The following MIA2 variants were observed in gnomAD, a reference collection of about 807,000 sequenced individuals.
MIA2 encodes the protein MIA SH3 domain ER export factor 2, also known as melanoma inhibitory activity protein 2.
A neutral mutation model predicts 167.8 loss-of-function variants in MIA2; 127 were observed. The ratio of observed to expected loss-of-function variants is 0.76; its 90% CI spans 0.66 to 0.88. The LOEUF is 0.88. MIA2 is among the 40% of genes least tolerant of loss of function. The pLI is 0.00. For synonymous variants in MIA2, 552 were observed against 541.9 expected (o/e 1.02, Z -0.26); for missense variants, 1,690 against 1,624.7 (o/e 1.04, Z -0.69).
intron 23 of MIA2, among the ~76,000 whole-genome samples, chr14:39,360,492 G>GT (rs2074657532): frequency 7.5e-6 from 1 of 133,094 alleles, no homozygotes; most frequent in Non-Finnish European, 1.6e-5. Flanking sequence ...TGTTGTTGTT[G>GT]TCTTTTGTTC....
chr14:39,282,110 A>C (rs2059035633), intron 9 of MIA2, among the ~76,000 whole-genome samples: 1 of 152,112 alleles, frequency 6.6e-6, no homozygotes, highest in African/African-American at 2.4e-5. Flanking sequence ...TTTTATATGA[A>C]GTGTCAGTGA....
In MIA2 at chr14:39,302,400, A is replaced by G. The variant is rs558924132; in HGVS notation, c.2740+151A>G. The G allele has an allele frequency of 7.9e-6, 7 of 891,366 alleles. No homozygotes were observed. In the East Asian group the frequency reaches 1.8e-4, roughly 23 times the overall value. The allele number at this position is 891,366 out of a possible 1,614,324, so 55.2% of individuals were successfully genotyped here. A position where few individuals can be genotyped will look rare whatever the true frequency, so the allele number is the denominator to read the frequency against. On this transcript the variant is annotated intron_variant, in intron 15 of 28. Coordinates refer to ENST00000640607, the MANE Select transcript of MIA2 (RefSeq NM_001329214.4). ...ACACTGTCCTTTCTCACCATCCCTT[A>G]TAGTTTTTAGCTTCAGCTGGAGCAC...
chr14:39,234,935 C>T (rs2053662469), intron 1 of MIA2, among the ~76,000 whole-genome samples: 1 of 151,732 alleles, frequency 6.6e-6, no homozygotes. Context: ...ATTAGAGTTG[C>T]TTTAAATAAG....
At chr14:39,353,837 A>G (rs2074455266), downstream of MIA2, among the ~76,000 whole-genome samples, 1 of 152,148 alleles carries the variant, frequency 6.6e-6, no homozygotes, top group African/African-American at 2.4e-5. Flanking sequence ...TCCTTGCGAT[A>G]GTTTGCTGAG....
chr14:39,330,694 T>C (rs760697695), intron 25 of MIA2, among the ~76,000 whole-genome samples: 4 of 152,208 alleles, frequency 2.6e-5, no homozygotes, highest in East Asian at 1.9e-4. Context: ...AAATAACTTA[T>C]TTATTTCTGC....
chr14:39,377,787 G>C (rs1049349564), intron 23 of MIA2, among the ~76,000 whole-genome samples: 3 of 150,886 alleles, frequency 2.0e-5, no homozygotes, highest in African/African-American at 4.9e-5. Flanking sequence ...TGGCTTTGCT[G>C]GAAACTTTTT....
chr14:39,299,766 C>T (rs2062096774), intron 13 of MIA2, 98 bp from the exon 14 acceptor site: 1 of 1,276,112 alleles, frequency 7.8e-7, no homozygotes. Context: ...AAATAGGAGC[C>T]ATGTTTTTCT....
chr14:39,381,456 A>G (rs1429127216), intron 23 of MIA2, among the ~76,000 whole-genome samples: 1 of 152,220 alleles, frequency 6.6e-6, no homozygotes, highest in Non-Finnish European at 1.5e-5. Context: ...AATTGCTTAT[A>G]TTTAAAAAGT....
intron 9 of MIA2, among the ~76,000 whole-genome samples, chr14:39,288,475 A>ATTTTTTTTTTT (rs1247369150): frequency 1.8e-4 from 9 of 50,514 alleles, no homozygotes; most frequent in East Asian, 1.5e-3. Context: ...ATATATATAT[A>ATTTTTTTTTTT]TTTTTTTTTT....
In MIA2 at chr14:39,320,837, G is replaced by T; in HGVS notation, c.3368-91G>T. On this transcript the variant is annotated intron_variant, in intron 23 of 28. Coordinates refer to ENST00000640607, the MANE Select transcript of MIA2 (RefSeq NM_001329214.4). The stretch of plus-strand genomic sequence containing the variant: ...ATTAAACTTAAATTGGCAATAGGAT[G>T]ACCTGATGGTAATTGTCGAAATGGG... 2.2e-6 allele frequency: 3 copies of T among 1,381,252 alleles called. No individual in the cohort carries two copies. The South Asian group carries it at 4.0e-5, about 18-fold the overall frequency. The allele number at this position is 1,381,252 out of a possible 1,614,324, so 85.6% of individuals were successfully genotyped here.
At chr14:39,381,168 G>C (rs527236359) in intron 23 of MIA2, among the ~76,000 whole-genome samples, 1 of 152,242 alleles carries the variant, frequency 6.6e-6, no homozygotes, top group South Asian at 2.1e-4. Flanking sequence ...TTTTCATTAA[G>C]GAATCCTAGG....
intron 18 of MIA2, among the ~76,000 whole-genome samples, chr14:39,312,687 G>A (rs1351549483): frequency 6.4e-5 from 2 of 31,008 alleles, no homozygotes; most frequent in Non-Finnish European, 1.3e-4. Flanking sequence ...CTTCATTGTC[G>A]TTTTTGTAAG....
chr14:39,300,989 T>C (rs1276718948), intron 14 of MIA2, among the ~76,000 whole-genome samples: 2 of 149,898 alleles, frequency 1.3e-5, no homozygotes, highest in African/African-American at 2.5e-5. Flanking sequence ...TATACATATA[T>C]ACACATATAT....
downstream of MIA2, among the ~76,000 whole-genome samples, chr14:39,355,271 A>G (rs1432940032): frequency 6.6e-6 from 1 of 152,148 alleles, no homozygotes; most frequent in Non-Finnish European, 1.5e-5. Context: ...CAGGTTCTTC[A>G]CATCCCTTGT....
At chr14:39,246,676 C>A (rs754573971) in intron 3 of MIA2, among the ~76,000 whole-genome samples, 19 of 152,162 alleles carry the variant, frequency 1.2e-4, no homozygotes, top group Admixed American at 2.0e-4. Context: ...CAGAGCAAGA[C>A]CCTGTCTCTA....
intron 21 of MIA2, among the ~76,000 whole-genome samples, chr14:39,316,989 G>A (rs182154538): frequency 2.0e-5 from 3 of 152,106 alleles, no homozygotes; most frequent in African/African-American, 4.8e-5. Flanking sequence ...CTCCCTCACC[G>A]CTGCGTATTT....
chr14:39,242,403 ACCTCCGCCTC>A (rs1174821960), intron 3 of MIA2, among the ~76,000 whole-genome samples: 1 of 150,932 alleles, frequency 6.6e-6, no homozygotes, highest in Non-Finnish European at 1.5e-5. Context: ...GCTCACTGCA[ACCTCCGCCTC>A]CTGGGTTCAA....
At chr14:39,288,304 A>T (rs2060089660) in intron 9 of MIA2, among the ~76,000 whole-genome samples, 1 of 151,284 alleles carries the variant, frequency 6.6e-6, no homozygotes, top group Non-Finnish European at 1.5e-5. Context: ...CTCAAAAGAA[A>T]AAAAAAATGG....
chr14:39,341,935 T>C (rs1304373392), intron 25 of MIA2, among the ~76,000 whole-genome samples: 1 of 152,214 alleles, frequency 6.6e-6, no homozygotes, highest in Non-Finnish European at 1.5e-5. Flanking sequence ...AAGAGTGTTA[T>C]TCTGTTATTC....
Sources: gnomAD v4.1 joint callset for allele counts (sites outside exome capture counted in the v4.1 genomes callset) on GRCh38, gnomAD v4.1.1 for gene constraint, MANE v1.5 for transcripts, NCBI Gene and HGNC (gene_info 2026-07-23, HGNC 2026-07-21) for gene names.